Variants in DDX60L observed in about 807,000 individuals in gnomAD.
DDX60L encodes DExD/H-box 60 like.
A neutral mutation model predicts 211.6 loss-of-function variants in DDX60L; 191 were observed. The observed-to-expected ratio is 0.90, with a 90% CI of 0.80 to 1.02. DDX60L has a LOEUF of 1.02. Among genes scored for constraint, DDX60L ranks in the 50% least tolerant of loss-of-function variants. The pLI is 0.00. For synonymous variants in DDX60L, 706 were observed against 694.1 expected (o/e 1.02, Z -0.27); for missense variants, 2,007 against 1,984.1 (o/e 1.01, Z -0.22).
Position 168,462,019 on chromosome 4 carries a change from CA to C in DDX60L, c.285del (p.Phe95LeufsTer9). 6.2e-7 allele frequency: 1 copy of C among 1,606,434 alleles called. No homozygotes were observed. Among genetic ancestry groups the C allele is most frequent in the Non-Finnish European group, 8.5e-7 (1 of 1,175,112 alleles). On this transcript the variant is annotated frameshift_variant, in exon 5 of 38. Transcript: ENST00000682922. LOFTEE classifies it high-confidence loss of function. ...CTCAATGAAAGAAGTTCAGGAAAAT[CA>C]AAATATGCATATTCAGCATCCTGTG... is the stretch of plus-strand genomic sequence containing the variant. ...VFFKDAEYAYFDFPELLSLRT... is the reference protein window; with the variant it reads ...VFFKDAEYAYXDFPELLSLRT...
chr4:168,384,228 GT>G (rs1743455046), intron 30 of DDX60L, among the ~76,000 whole-genome samples: 1 of 152,004 alleles, frequency 6.6e-6, no homozygotes, highest in Non-Finnish European at 1.5e-5. Flanking sequence ...TATTAGTTCT[GT>G]CACTCTACAG....
At chr4:168,403,433 G>T (rs1405069135) in intron 25 of DDX60L, among the ~76,000 whole-genome samples, 1 of 152,050 alleles carries the variant, frequency 6.6e-6, no homozygotes, top group Admixed American at 6.6e-5. Context: ...TAAGTTTTTT[G>T]GTTCTGATTA....
At chr4:168,397,276 GCA>G (rs1745968032) in intron 26 of DDX60L, among the ~76,000 whole-genome samples, 1 of 152,190 alleles carries the variant, frequency 6.6e-6, no homozygotes, top group Non-Finnish European at 1.5e-5. Flanking sequence ...TATTTATGAA[GCA>G]CTATTACTAT....
chr4:168,381,002 G>C (rs2319811), intron 30 of DDX60L, among the ~76,000 whole-genome samples: 82,539 of 151,926 alleles, frequency 0.54, 23,118 homozygotes, highest in East Asian at 0.72. Flanking sequence ...GATGATTTAG[G>C]GTATGTGGCA....
At chr4:168,414,721 T>C (rs569234906) in intron 22 of DDX60L, among the ~76,000 whole-genome samples, 14 of 152,134 alleles carry the variant, frequency 9.2e-5, no homozygotes, top group Non-Finnish European at 1.3e-4. Flanking sequence ...ATAGATGGAA[T>C]TGGATGTCAC....
chr4:168,468,551 A>G (rs938362119), intron 4 of DDX60L, among the ~76,000 whole-genome samples: 1 of 152,214 alleles, frequency 6.6e-6, no homozygotes, highest in African/African-American at 2.4e-5. Flanking sequence ...TAGTAGGGAA[A>G]TAATGGATAC....
Position 168,395,953 on chromosome 4 carries a change from A to G in DDX60L, c.3657+6T>C. The stretch of plus-strand genomic sequence containing the variant: ...AACGTATTATATTAATAATTCTCTG[A>G]CGTACTGAGTCTTTATTCCTGGTAA... On this transcript the variant is annotated splice_donor_region_variant and intron_variant, in intron 27 of 37. Coordinates refer to ENST00000682922, the MANE Select transcript of DDX60L (RefSeq NM_001012967.3). 3.2e-6 allele frequency: 5 copies of G among 1,571,756 alleles called. No homozygotes were observed. Among genetic ancestry groups the G allele is most frequent in the Non-Finnish European group, 3.5e-6 (4 of 1,149,468 alleles).
chr4:168,465,372 A>G (rs1475855148), intron 4 of DDX60L, among the ~76,000 whole-genome samples: 1 of 151,998 alleles, frequency 6.6e-6, no homozygotes, highest in Non-Finnish European at 1.5e-5. Context: ...GAGATGTTTG[A>G]GTTCCCTGCA....
chr4:168,416,842 G>C, intron 19 of DDX60L, 45 bp from the exon 20 acceptor site: 1 of 1,100,316 alleles, frequency 9.1e-7, no homozygotes, highest in Non-Finnish European at 1.3e-6. Context: ...TGTCAAAATC[G>C]TAAATAAAAA....
At chr4:168,466,958 C>T (rs1055820642) in intron 4 of DDX60L, among the ~76,000 whole-genome samples, 1 of 152,040 alleles carries the variant, frequency 6.6e-6, no homozygotes, top group African/African-American at 2.4e-5. Context: ...TCTAACAAAA[C>T]ATGTTAGAAC....
chr4:168,368,680 C>T (rs1180050449), intron 36 of DDX60L, among the ~76,000 whole-genome samples: 2 of 152,238 alleles, frequency 1.3e-5, no homozygotes, highest in Non-Finnish European at 2.9e-5. Flanking sequence ...CCTGTGAAAG[C>T]AGCCAGGAGG....
chr4:168,372,020 T>C (rs1168104806), intron 35 of DDX60L, among the ~76,000 whole-genome samples: 1 of 151,866 alleles, frequency 6.6e-6, no homozygotes, highest in Admixed American at 6.6e-5. Flanking sequence ...CTGAGGGAAA[T>C]AGGAACTCTC....
chr4:168,401,101 A>C, intron 25 of DDX60L, 123 bp from the exon 26 acceptor site: 1 of 864,870 alleles, frequency 1.2e-6, no homozygotes, highest in Non-Finnish European at 1.7e-6. Context: ...AGGGCACTCT[A>C]AAATTTAAAC....
Position 168,471,777 on chromosome 4 carries a change from G to A in DDX60L, c.234C>T (p.Asn78=), listed in dbSNP as rs752287686. The change falls in exon 4 of 38, where the codon AAC becomes AAT. Residue 78 remains asparagine (N), a synonymous_variant. Coordinates refer to ENST00000682922, the MANE Select transcript of DDX60L (RefSeq NM_001012967.3). ...VECYLVDLLS[N]GGQFTIVFFK... is the part of the protein sequence containing the mutation. The stretch of plus-strand genomic sequence containing the variant: ...AGAAAACTATGGTGAATTGTCCTCC[G>A]TTACTCAGAAGATCCACAAGATAGC... 55 of 1,606,742 alleles carry A rather than the reference G, an allele frequency of 3.4e-5. No individual in the cohort carries two copies. Among genetic ancestry groups the A allele is most frequent in the African/African-American group, 2.3e-4 (17 of 74,280 alleles).
intron 12 of DDX60L, among the ~76,000 whole-genome samples, chr4:168,431,085 A>T (rs932618107): frequency 6.6e-6 from 1 of 152,156 alleles, no homozygotes; most frequent in Non-Finnish European, 1.5e-5. Flanking sequence ...TTTCAGAAAA[A>T]GTTTGTTGAC....
At chr4:168,382,247 T>A (rs1743096163) in intron 30 of DDX60L, among the ~76,000 whole-genome samples, 1 of 152,254 alleles carries the variant, frequency 6.6e-6, no homozygotes, top group Non-Finnish European at 1.5e-5. Flanking sequence ...AATTCTGACA[T>A]CTAGTTCAAC....
chr4:168,439,293 T>C (rs1291813338), intron 10 of DDX60L, among the ~76,000 whole-genome samples: 1 of 152,088 alleles, frequency 6.6e-6, no homozygotes, highest in Non-Finnish European at 1.5e-5. Context: ...ATAATCAATT[T>C]TACTTTAAGT....
chr4:168,420,216 C>G, intron 18 of DDX60L, 45 bp downstream of exon 18: 1 of 1,433,544 alleles, frequency 7.0e-7, no homozygotes, highest in Non-Finnish European at 9.4e-7. Flanking sequence ...TATATAAGTA[C>G]TGCTCTATAA....
chr4:168,367,756 G>A (rs902936757), intron 36 of DDX60L, among the ~76,000 whole-genome samples: 3 of 152,200 alleles, frequency 2.0e-5, no homozygotes, highest in African/African-American at 7.2e-5. Flanking sequence ...CCAGTCTAAG[G>A]TGGTCTCAGA....
Sources: gnomAD v4.1 joint callset for allele counts (sites outside exome capture counted in the v4.1 genomes callset) on GRCh38, gnomAD v4.1.1 for gene constraint, MANE v1.5 for transcripts, NCBI Gene and HGNC (gene_info 2026-07-23, HGNC 2026-07-21) for gene names.